UGT1A8: variants seen among roughly 807,000 people sequenced by gnomAD.
UGT1A8 encodes UDP glucuronosyltransferase family 1 member A8.
Under a neutral mutation model 45.3 loss-of-function variants are expected in UGT1A8, and 39 were observed. That is an observed-to-expected ratio of 0.86 (90% confidence interval 0.67 to 1.12). The LOEUF is 1.12. Ranked by LOEUF, UGT1A8 falls within the 50% of genes most tolerant of loss-of-function variation. The pLI is 0.00. For missense variants in UGT1A8, 719 were observed against 664.9 expected, an observed-to-expected ratio of 1.08 and a Z score of -0.90; for synonymous variants, 275 against 249.2, an observed-to-expected ratio of 1.10 and a Z score of -0.97.
At chr2:233,643,569 A>G (rs2073517411) in intron 1 of UGT1A8, among the ~76,000 whole-genome samples, 1 of 152,082 alleles carries the variant, frequency 6.6e-6, no homozygotes, top group Non-Finnish European at 1.5e-5. Flanking sequence ...TACCTAAGTT[A>G]TAAGGCAAAG....
In UGT1A8 at chr2:233,768,537, T is replaced by C; in HGVS notation, c.1295+98T>C. ...TTACGTAGCATTTAATAGCGTTGTT[T>C]CAAATATAAAAACAAATACATAAAA... On this transcript the variant is annotated intron_variant, in intron 4 of 4. Transcript: ENST00000373450. 2.0e-6 allele frequency: 3 copies of C among 1,499,906 alleles called. No individual in the cohort carries two copies. The South Asian group carries it at 4.0e-5, about 20-fold the overall frequency. The allele number at this position is 1,499,906 out of a possible 1,614,324, so 92.9% of individuals were successfully genotyped here.
At chr2:233,666,748 A>G (rs1243041832) in intron 1 of UGT1A8, among the ~76,000 whole-genome samples, 1 of 151,872 alleles carries the variant, frequency 6.6e-6, no homozygotes, top group Non-Finnish European at 1.5e-5. Context: ...TGCTGCACCC[A>G]TTAACTCGTC....
intron 1 of UGT1A8, among the ~76,000 whole-genome samples, chr2:233,724,367 G>T (rs1413054411): frequency 2.0e-5 from 3 of 147,986 alleles, no homozygotes; most frequent in Admixed American, 1.3e-4. Context: ...CCCGGACGGG[G>T]TGGCTGCCGG....
rs1254304358 is a variant in UGT1A8 at position 233,743,239 on chromosome 2, C to G, written c.856-23795C>G. The stretch of plus-strand genomic sequence containing the variant: ...GCTCTTTGCTATTTATTATGAAGGA[C>G]TTTAACTCAACTCTCCATCTTCCTC... On this transcript the variant is annotated intron_variant, in intron 1 of 4. Coordinates refer to ENST00000373450, the MANE Select transcript of UGT1A8 (RefSeq NM_019076.5). The G allele has an allele frequency of 1.4e-5, 6 of 424,156 alleles. No individual in the cohort carries two copies. The East Asian group carries it at 4.3e-4, about 30-fold the overall frequency. 26.3% of individuals were successfully genotyped at this position (424,156 alleles called of 1,614,324 possible).
intron 1 of UGT1A8, among the ~76,000 whole-genome samples, chr2:233,674,394 A>G (rs2074282720): frequency 6.6e-6 from 1 of 152,180 alleles, no homozygotes; most frequent in Non-Finnish European, 1.5e-5. Flanking sequence ...CCCTCCATAA[A>G]TTATAGTATC....
chr2:233,693,611 A>T (rs1423413232), intron 1 of UGT1A8: 1 of 1,614,080 alleles, frequency 6.2e-7, no homozygotes, highest in African/African-American at 1.3e-5. Flanking sequence ...TTCAGACCAC[A>T]TGACTTTTTC....
At chr2:233,734,127 G>A (rs549754021) in intron 1 of UGT1A8, among the ~76,000 whole-genome samples, 274 of 151,640 alleles carry the variant, frequency 1.8e-3, no homozygotes, top group Non-Finnish European at 3.0e-3. Context: ...ATAATAAAAA[G>A]AATTTGGCTG....
At chr2:233,766,271 G>A (rs926044962) in intron 1 of UGT1A8, among the ~76,000 whole-genome samples, 6 of 67,896 alleles carry the variant, frequency 8.8e-5, no homozygotes, top group Non-Finnish European at 1.8e-4. Context: ...GCCCGGGCTC[G>A]GTGGCCCGGG....
intron 1 of UGT1A8, among the ~76,000 whole-genome samples, chr2:233,694,759 A>G (rs2075239293): frequency 1.3e-5 from 2 of 152,178 alleles, no homozygotes; most frequent in African/African-American, 4.8e-5. Context: ...AGCCACTGTG[A>G]AAAGGCAAGG....
chr2:233,632,289 T>G (rs1224862049), intron 1 of UGT1A8, among the ~76,000 whole-genome samples: 1 of 152,200 alleles, frequency 6.6e-6, no homozygotes, highest in East Asian at 1.9e-4. Context: ...GCTTTGTTCT[T>G]TTTGCTTAGG....
intron 1 of UGT1A8, chr2:233,752,552 G>A (rs942776893): frequency 6.6e-6 from 1 of 152,002 alleles, no homozygotes; most frequent in South Asian, 2.1e-4. Context: ...GCTCTTGCTG[G>A]GACAACATAG....
rs772599786 is a variant in UGT1A8, at chr2:233,617,719, A to G, written c.12A>G (p.Thr4=). The change falls in exon 1 of 5, where the codon ACA becomes ACG. Residue 4 remains threonine, a synonymous_variant. Transcript: ENST00000373450. The part of the protein sequence containing the change: MAR[T]GWTSPIPLCV... ...GCTGCAGTTCTCTCATGGCTCGCAC[A>G]GGGTGGACCAGCCCCATTCCCCTAT... 1.2e-6 allele frequency: 2 copies of G among 1,613,162 alleles called. No homozygotes were observed. The highest frequency in any genetic ancestry group is 2.2e-5 in the South Asian group (2 of 90,872).
chr2:233,743,991 G>C (rs368834284), intron 1 of UGT1A8: 29 of 1,251,932 alleles, frequency 2.3e-5, no homozygotes, highest in African/African-American at 7.8e-5. Context: ...GCGCAGGCCC[G>C]AGTGCTCGGA....
At chr2:233,760,463 T>C in intron 1 of UGT1A8, 1 of 1,614,204 alleles carries the variant, frequency 6.2e-7, no homozygotes, top group Non-Finnish European at 8.5e-7. Context: ...GAAATAGTTG[T>C]CCTAGCACCT....
At chr2:233,745,380 C>A (rs531226985) in intron 1 of UGT1A8, among the ~76,000 whole-genome samples, 1 of 151,924 alleles carries the variant, frequency 6.6e-6, no homozygotes, top group East Asian at 1.9e-4. Flanking sequence ...GTTCTCTTCA[C>A]CTCCTTATTC....
At position 233,637,155 on chromosome 2, in the gene UGT1A8, C is replaced by T. The variant is rs202154835; in HGVS notation, c.855+18593C>T. On this transcript the variant is annotated intron_variant, in intron 1 of 4. Coordinates refer to ENST00000373450, the MANE Select transcript of UGT1A8 (RefSeq NM_019076.5). ...TCAAGGAGAGAGTATGGAACCACAT[C>T]GTGCACTTGGAGGACCATTTATTTT... 61 of 1,613,938 alleles carry T rather than the reference C, an allele frequency of 3.8e-5. No individual in the cohort carries two copies. The African/African-American group carries it at 3.9e-4, about 10-fold the overall frequency.
rs2078696404 is a variant in UGT1A8 at position 233,735,803 on chromosome 2, A to G, written c.856-31231A>G. ...TGGCTGCATATGAATTTCTGGGTTG[A>G]AAATTCTTTTCTTTAAGAATGTTGA... On this transcript the variant is annotated intron_variant, in intron 1 of 4. Transcript: ENST00000373450. 2.0e-5 allele frequency among the ~76,000 whole-genome samples: 3 copies of G among 152,192 alleles called. No individual in the cohort carries two copies. The South Asian group carries it at 6.2e-4, about 31-fold the overall frequency.
At chr2:233,735,613 C>G (rs2078673556) in intron 1 of UGT1A8, among the ~76,000 whole-genome samples, 1 of 152,148 alleles carries the variant, frequency 6.6e-6, no homozygotes, top group African/African-American at 2.4e-5. Context: ...CATCGATAGT[C>G]TTTACAATTT....
intron 1 of UGT1A8, among the ~76,000 whole-genome samples, chr2:233,720,871 AT>A (rs60621337): frequency 0.024 from 3,169 of 132,736 alleles, 42 homozygotes; most frequent in Middle Eastern, 0.043. Context: ...GCTCCTGGCA[AT>A]TTTTTTTTTT....
Sources: allele counts gnomAD v4.1 joint callset (sites outside exome capture counted in the v4.1 genomes callset), GRCh38; gene constraint gnomAD v4.1.1; transcripts MANE v1.5; gene names NCBI Gene and HGNC (gene_info 2026-07-23, HGNC 2026-07-21).